NKAIN2: variants seen among roughly 807,000 people sequenced by gnomAD.
NKAIN2 encodes the protein sodium/potassium transporting ATPase interacting 2.
Under a neutral mutation model 32.6 loss-of-function variants are expected in NKAIN2, and 14 were observed. The observed-to-expected ratio is 0.43, with a 90% confidence interval of 0.28 to 0.67. The LOEUF (loss-of-function observed/expected upper bound fraction) is 0.67, where lower values mean the gene tolerates loss of function less well. Ranked by LOEUF, NKAIN2 falls within the 30% of genes least tolerant of loss-of-function variation. The pLI is 0.17. For synonymous variants in NKAIN2, 80 were observed against 87.2 expected (o/e 0.92, Z 0.46); for missense variants, 198 against 258.3 (o/e 0.77, Z 1.60).
intron 3 of NKAIN2, among the ~76,000 whole-genome samples, chr6:124,466,609 T>C (rs1776766225): frequency 6.6e-6 from 1 of 152,100 alleles, no homozygotes; most frequent in Non-Finnish European, 1.5e-5. Flanking sequence ...AGAATTAAAA[T>C]AGGTCTTCTC....
chr6:124,115,873 T>C (rs953794233), intron 1 of NKAIN2, among the ~76,000 whole-genome samples: 2 of 152,090 alleles, frequency 1.3e-5, no homozygotes, highest in African/African-American at 4.8e-5. Context: ...AATTAAAAAC[T>C]GTAGCTCCTC....
intron 4 of NKAIN2, among the ~76,000 whole-genome samples, chr6:124,756,038 A>ATGAG (rs1777950707): frequency 6.6e-6 from 1 of 152,130 alleles, no homozygotes; most frequent in African/African-American, 2.4e-5. Flanking sequence ...GAATGAATGA[A>ATGAG]TGAATGCTTA....
At chr6:124,102,293 A>G (rs1476266451) in intron 1 of NKAIN2, among the ~76,000 whole-genome samples, 8 of 152,176 alleles carry the variant, frequency 5.3e-5, no homozygotes, top group Admixed American at 3.3e-4. Flanking sequence ...CTGGGCCTAA[A>G]CTAGGTGCTC....
intron 3 of NKAIN2, among the ~76,000 whole-genome samples, chr6:124,499,137 G>A (rs1778184903): frequency 6.6e-6 from 1 of 152,096 alleles, no homozygotes; most frequent in African/African-American, 2.4e-5. Context: ...AAAGGGATTG[G>A]ATTAGATGAT....
intron 1 of NKAIN2, among the ~76,000 whole-genome samples, chr6:124,091,484 A>G (rs1365013123): frequency 6.6e-6 from 1 of 151,968 alleles, no homozygotes; most frequent in Non-Finnish European, 1.5e-5. Flanking sequence ...ACTGAATTTC[A>G]TACAGACAGA....
chr6:124,490,916 C>T (rs1417654196), intron 3 of NKAIN2, among the ~76,000 whole-genome samples: 1 of 151,786 alleles, frequency 6.6e-6, no homozygotes, highest in Non-Finnish European at 1.5e-5. Flanking sequence ...TAGCTGAACT[C>T]TAGGCAGAAT....
chr6:124,631,735 G>A (rs1045367481), intron 3 of NKAIN2, among the ~76,000 whole-genome samples: 12 of 152,108 alleles, frequency 7.9e-5, no homozygotes, highest in Non-Finnish European at 1.6e-4. Flanking sequence ...GACTTTTGAT[G>A]TCTCTTTAAT....
intron 3 of NKAIN2, among the ~76,000 whole-genome samples, chr6:124,556,086 CAAAAAAA>C (rs10592574): frequency 1.5e-5 from 2 of 135,130 alleles, no homozygotes; most frequent in Non-Finnish European, 1.6e-5. Flanking sequence ...GTTTGCTATG[CAAAAAAA>C]AAAAAAAAAA....
In NKAIN2 at chr6:124,396,953, G is replaced by A. The variant is rs948922302; in HGVS notation, c.273+41606G>A. Among the ~76,000 whole-genome samples, 9 of 152,086 alleles carry A rather than the reference G, an allele frequency of 5.9e-5. 1 individual carries two copies. Among genetic ancestry groups the A allele is most frequent in the African/African-American group, 2.2e-4 (9 of 41,442 alleles). ...AGAACATTAGAACTTTATGATTTTT[G>A]TAAGTTGTGGTGAAAATACAAAAAG... is the stretch of plus-strand genomic sequence containing the variant. On this transcript the variant is annotated intron_variant, in intron 3 of 6. Coordinates refer to ENST00000368417, the MANE Select transcript of NKAIN2 (RefSeq NM_001040214.3).
chr6:124,318,343 G>A (rs1247837654), intron 2 of NKAIN2, among the ~76,000 whole-genome samples: 1 of 151,360 alleles, frequency 6.6e-6, no homozygotes, highest in Non-Finnish European at 1.5e-5. Flanking sequence ...AATCTTGTTT[G>A]GGGAGTTTTA....
intron 3 of NKAIN2, among the ~76,000 whole-genome samples, chr6:124,421,746 G>T (rs756879034): frequency 6.6e-6 from 1 of 152,130 alleles, no homozygotes; most frequent in East Asian, 1.9e-4. Flanking sequence ...AGAAGGTAAG[G>T]GTTATTTTAT....
chr6:124,187,775 A>G (rs149768906), intron 1 of NKAIN2, among the ~76,000 whole-genome samples: 321 of 152,268 alleles, frequency 2.1e-3, no homozygotes, highest in African/African-American at 7.2e-3. Flanking sequence ...TTCCTCTGCC[A>G]TACCTTCTTT....
intron 1 of NKAIN2, among the ~76,000 whole-genome samples, chr6:124,218,089 TA>T (rs879634146): frequency 3.1e-3 from 441 of 141,964 alleles, no homozygotes; most frequent in Middle Eastern, 0.011. Context: ...AAGTGTATGT[TA>T]AAAAAAAAAA....
intron 3 of NKAIN2, among the ~76,000 whole-genome samples, chr6:124,432,663 A>G (rs1019401401): frequency 1.3e-5 from 2 of 152,132 alleles, no homozygotes; most frequent in Non-Finnish European, 2.9e-5. Flanking sequence ...GTGAACCACC[A>G]TATAGAGAAA....
At chr6:124,065,627 G>C (rs1783130880) in intron 1 of NKAIN2, among the ~76,000 whole-genome samples, 1 of 152,092 alleles carries the variant, frequency 6.6e-6, no homozygotes, top group Non-Finnish European at 1.5e-5. Flanking sequence ...AAAAGTTGGT[G>C]CCTTGATCTT....
At position 124,023,042 on chromosome 6, in the gene NKAIN2, A is replaced by ATATG. The variant is rs535131771; in HGVS notation, c.54+218808_54+218811dup. On this transcript the variant is annotated intron_variant, in intron 1 of 6. Transcript: ENST00000368417. The stretch of plus-strand genomic sequence containing the variant: ...AGACATATGTATACTTTATATATAT[A>ATATG]TATGTATGTATGTATGTATGTATAA... Among the ~76,000 whole-genome samples, 1,025 of 151,430 alleles carry ATATG rather than the reference A, an allele frequency of 6.8e-3. 13 individuals are homozygous for ATATG. Among genetic ancestry groups the ATATG allele is most frequent in the African/African-American group, 0.018 (729 of 41,116 alleles).
intron 1 of NKAIN2, among the ~76,000 whole-genome samples, chr6:124,110,211 G>T (rs1462315731): frequency 1.3e-5 from 2 of 150,994 alleles, no homozygotes; most frequent in Non-Finnish European, 2.9e-5. Context: ...TCCCAGGGAT[G>T]TAAAGATAAT....
At chr6:124,701,801 A>G (rs1336663150) in intron 4 of NKAIN2, among the ~76,000 whole-genome samples, 2 of 152,138 alleles carry the variant, frequency 1.3e-5, no homozygotes, top group South Asian at 2.1e-4. Context: ...CAGTTTTGCC[A>G]TAAGGATCAA....
chr6:123,978,027 A>G (rs1031460254), intron 1 of NKAIN2, among the ~76,000 whole-genome samples: 3 of 152,176 alleles, frequency 2.0e-5, no homozygotes, highest in Non-Finnish European at 4.4e-5. Context: ...GAATAGTAAA[A>G]TTCTGCTTTT....
Sources: gnomAD v4.1 joint callset for allele counts (sites outside exome capture counted in the v4.1 genomes callset) on GRCh38, gnomAD v4.1.1 for gene constraint, MANE v1.5 for transcripts, NCBI Gene and HGNC (gene_info 2026-07-23, HGNC 2026-07-21) for gene names.